The following PKHD1L1 variants were observed in gnomAD, a reference collection of about 807,000 sequenced individuals.
The protein encoded by PKHD1L1 is fibrocystin-L.
Under a neutral mutation model 462.9 loss-of-function variants are expected in PKHD1L1, and 434 were observed. The observed-to-expected ratio is 0.94, with a 90% CI of 0.87 to 1.02. PKHD1L1 has a LOEUF of 1.02. Among genes scored for constraint, PKHD1L1 ranks in the 50% least tolerant of loss-of-function variants. The probability of loss-of-function intolerance (pLI) is 0.00; values close to 1 mark genes in which losing one functional copy is unlikely to be tolerated. For synonymous variants in PKHD1L1, 1,781 were observed against 1,750.0 expected (o/e 1.02, Z -0.44); for missense variants, 5,202 against 5,096.1 (o/e 1.02, Z -0.63).
intron 43 of PKHD1L1, among the ~76,000 whole-genome samples, chr8:109,453,512 CTT>C (rs1400746144): frequency 6.6e-6 from 1 of 152,148 alleles, no homozygotes; most frequent in Non-Finnish European, 1.5e-5. Flanking sequence ...AGTGCACAAA[CTT>C]TGCCATAACA....
Position 109,486,760 on chromosome 8 carries a change from G to A in PKHD1L1, c.9819G>A (p.Glu3273=). The A allele has an allele frequency of 6.2e-7, 1 of 1,612,410 alleles. No individual in the cohort carries two copies. The change falls in exon 59 of 78, where the codon GAG becomes GAA. Residue 3273 remains glutamate, a synonymous_variant. Coordinates refer to ENST00000378402, the MANE Select transcript of PKHD1L1 (RefSeq NM_177531.6). ...GTGAAGATTACCCCGGTTGGTCTGA[G>A]GACTCTTTTGGAGCACGCGTACTGG... is the stretch of plus-strand genomic sequence containing the variant. ...IVGEDYPGWS[E]DSFGARVLVG... is the part of the protein sequence containing the mutation.
intron 27 of PKHD1L1, among the ~76,000 whole-genome samples, chr8:109,430,915 C>T (rs528008341): frequency 1.3e-5 from 2 of 151,620 alleles, no homozygotes; most frequent in East Asian, 3.9e-4. Flanking sequence ...AATTTGGTTA[C>T]AGTCCTTTGG....
At position 109,394,507 on chromosome 8, in the gene PKHD1L1, C is replaced by T. The variant is rs377273333; in HGVS notation, c.811+22C>T. The T allele has an allele frequency of 3.9e-5, 56 of 1,441,672 alleles. No individual in the cohort carries two copies. The Middle Eastern group carries it at 7.2e-4, about 19-fold the overall frequency. 89.3% of individuals were successfully genotyped at this position (1,441,672 alleles called of 1,614,324 possible). A position where few individuals can be genotyped will look rare whatever the true frequency, so the allele number is the denominator to read the frequency against. ...GCAGGTATGTGACTTTTCTTTCACT[C>T]TGTTGCGGGGGTGGTGGGAAGGCAG... On this transcript the variant is annotated intron_variant, in intron 10 of 77. Coordinates refer to ENST00000378402, the MANE Select transcript of PKHD1L1 (RefSeq NM_177531.6).
At chr8:109,473,553 A>G (rs1817834466) in intron 50 of PKHD1L1, among the ~76,000 whole-genome samples, 1 of 151,740 alleles carries the variant, frequency 6.6e-6, no homozygotes, top group African/African-American at 2.4e-5. Context: ...AAAGAAAAGA[A>G]CTCAATTCAG....
At chr8:109,455,166 T>C (rs959625806) in intron 45 of PKHD1L1, among the ~76,000 whole-genome samples, 6 of 152,126 alleles carry the variant, frequency 3.9e-5, no homozygotes, top group African/African-American at 1.4e-4. Context: ...GGCAAAACCC[T>C]GTCTCCACTA....
chr8:109,491,158 T>C lies in PKHD1L1; in HGVS notation c.10114+57T>C, dbSNP rs772451418. 7.2e-6 allele frequency: 11 copies of C among 1,525,294 alleles called. No homozygotes were observed. In the African/African-American group the frequency reaches 1.5e-4, roughly 21 times the overall value. The allele number at this position is 1,525,294 out of a possible 1,614,324, so 94.5% of individuals were successfully genotyped here. On this transcript the variant is annotated intron_variant, in intron 61 of 77. Coordinates refer to ENST00000378402, the MANE Select transcript of PKHD1L1 (RefSeq NM_177531.6). ...CATCCTGTGGAGGCTTTCTTATCTA[T>C]ATACTCTAGAGCTACACTGCCCAAT...
chr8:109,439,077 G>C lies in PKHD1L1; in HGVS notation c.3941G>C (p.Gly1314Ala), dbSNP rs61745556. The change falls in exon 32 of 78, where the codon GGT (glycine) becomes GCT (alanine). Residue 1314 changes from glycine to alanine, a missense_variant. Physicochemically the swap from Gly to Ala is moderately conservative, Grantham distance 60 (BLOSUM62 0). Around this residue, in one of 3 missense-constraint regions of PKHD1L1, gnomAD observed 4,497 missense variants for 4,336.8 expected, o/e 1.04. Coordinates refer to ENST00000378402, the MANE Select transcript of PKHD1L1 (RefSeq NM_177531.6). The part of the protein sequence containing the change: ...HDIYVEVRNW[G>A]FASTRDKLNS... ...ATCTATGTAGAAGTCAGAAACTGGG[G>C]TTTTGCATCAACAAGGTATGATAAT... is the stretch of plus-strand genomic sequence containing the variant. 11 of 1,612,726 alleles carry C rather than the reference G, an allele frequency of 6.8e-6. No individual in the cohort carries two copies. The African/African-American group carries it at 1.2e-4, about 18-fold the overall frequency.
At chr8:109,422,286 A>G (rs1814513466) in intron 23 of PKHD1L1, among the ~76,000 whole-genome samples, 1 of 151,556 alleles carries the variant, frequency 6.6e-6, no homozygotes, top group Non-Finnish European at 1.5e-5. Context: ...GATTCATCTG[A>G]CCACCACCAG....
rs1820587302 is a variant in PKHD1L1 at position 109,522,241 on chromosome 8, A to T, written c.12087A>T (p.Val4029=). 1.2e-6 allele frequency: 2 copies of T among 1,604,750 alleles called. 1 individual carries two copies. The highest frequency in any genetic ancestry group is 2.2e-5 in the South Asian group (2 of 90,748). Residue 4029 remains valine, a synonymous_variant, in exon 74 of 78, where the codon GTA becomes GTT. Transcript: ENST00000378402. The stretch of plus-strand genomic sequence containing the variant: ...TTGCTGGTTCTCTTGGACAAGCTGT[A>T]ATTTTAGGAAACATCAGTAGTATCC... The part of the protein sequence containing the change: ...QEIAGSLGQA[V]ILGNISSILG...
In PKHD1L1 at chr8:109,419,229, T is replaced by C. The variant is rs545361360; in HGVS notation, c.2493T>C (p.Ile831=). 4.5e-5 allele frequency: 73 copies of C among 1,610,080 alleles called. No individual in the cohort carries two copies. The highest frequency in any genetic ancestry group is 5.9e-5 in the Non-Finnish European group (70 of 1,177,606). Residue 831 remains isoleucine, a synonymous_variant, in exon 22 of 78, where the codon ATT becomes ATC. Coordinates refer to ENST00000378402, the MANE Select transcript of PKHD1L1 (RefSeq NM_177531.6). ...CCTTCTATGTGGATGTAGTGTACAT[T>C]GGACACACATCTACAATCTCAACAT... ...SQSFYVDVVY[I]GHTSTISTLD... is the part of the protein sequence containing the mutation.
Position 109,497,007 on chromosome 8 carries a change from A to G in PKHD1L1, c.10416A>G (p.Gly3472=). ...ATATGAACCAAGATGGCCTTCCTGG[A>G]TGTTCTCTTATACAAGGATTTACCA... is the stretch of plus-strand genomic sequence containing the variant. ...GIYMNQDGLP[G]CSLIQGFTIW... Residue 3472 remains glycine, a synonymous_variant, in exon 64 of 78, where the codon GGA becomes GGG. Transcript: ENST00000378402. The G allele has an allele frequency of 6.2e-7, 1 of 1,613,634 alleles. No individual in the cohort carries two copies. Among genetic ancestry groups the G allele is most frequent in the Admixed American group, 1.7e-5 (1 of 60,020 alleles).
At position 109,407,133 on chromosome 8, in the gene PKHD1L1, T is replaced by G. The variant is rs117456332; in HGVS notation, c.1813+655T>G. On this transcript the variant is annotated intron_variant, in intron 17 of 77. Coordinates refer to ENST00000378402, the MANE Select transcript of PKHD1L1 (RefSeq NM_177531.6). ...TTTTTGGTATATTTAGCTCAGAAAG[T>G]AGGTCCCTGAATGTGTGTGTGTTTA... 6.5e-3 allele frequency among the ~76,000 whole-genome samples: 986 copies of G among 152,278 alleles called. 7 individuals are homozygous for G. The highest frequency in any genetic ancestry group is 0.051 in the Middle Eastern group (15 of 294).
In PKHD1L1 at chr8:109,491,872, G is replaced by A. The variant is rs1335426720; in HGVS notation, c.10115-1G>A. On this transcript the variant is annotated splice_acceptor_variant, in intron 61 of 77. Transcript: ENST00000378402. LOFTEE classifies it high-confidence loss of function. Reference sequence around the variant, plus strand: ...CTTTCTTTTTTTCTTTTTTTAAACAGGCATAAGAATATGGGGGAATGCCAA... The same window carrying A: ...CTTTCTTTTTTTCTTTTTTTAAACAAGCATAAGAATATGGGGGAATGCCAA... The A allele has an allele frequency of 2.5e-6, 4 of 1,592,630 alleles. No homozygotes were observed. Among genetic ancestry groups the A allele is most frequent in the East Asian group, 2.2e-5 (1 of 44,656 alleles).
intron 23 of PKHD1L1, among the ~76,000 whole-genome samples, chr8:109,421,214 T>C: frequency 6.6e-6 from 1 of 151,956 alleles, no homozygotes; most frequent in South Asian, 2.1e-4. Context: ...ATAAAAATAT[T>C]CAATGAGTTA....
At chr8:109,487,282 G>A (rs76615423) in intron 59 of PKHD1L1, among the ~76,000 whole-genome samples, 4,630 of 151,968 alleles carry the variant, frequency 0.03, 224 homozygotes, top group African/African-American at 0.11. Flanking sequence ...GGATTGTATT[G>A]AAGTAATCAC....
chr8:109,516,149 A>G (rs1245884865), intron 72 of PKHD1L1, among the ~76,000 whole-genome samples: 2 of 152,258 alleles, frequency 1.3e-5, no homozygotes, highest in East Asian at 3.9e-4. Flanking sequence ...TTACTACATC[A>G]TAGTAACTCT....
intron 10 of PKHD1L1, 43 bp from the exon 11 acceptor site, chr8:109,395,984 G>A (rs1465091815): frequency 1.5e-6 from 2 of 1,357,854 alleles, no homozygotes; most frequent in East Asian, 5.0e-5. Context: ...TTGGGTTTAT[G>A]TGTAATATTT....
intron 43 of PKHD1L1, among the ~76,000 whole-genome samples, chr8:109,453,840 G>T (rs191777330): frequency 4.9e-4 from 75 of 152,178 alleles, no homozygotes; most frequent in Admixed American, 4.5e-3. Flanking sequence ...ATTTTGAGGT[G>T]CTGTGTTTGT....
intron 61 of PKHD1L1, among the ~76,000 whole-genome samples, chr8:109,491,440 A>G (rs1254128570): frequency 1.3e-5 from 2 of 151,910 alleles, no homozygotes; most frequent in African/African-American, 2.4e-5. Context: ...ACATTCTTAC[A>G]TGAGTTATCT....
Sources: gnomAD v4.1 joint callset for allele counts (sites outside exome capture counted in the v4.1 genomes callset) on GRCh38, gnomAD v4.1.1 for gene constraint, gnomAD v4.1.1 regional missense constraint, MANE v1.5 for transcripts, NCBI Gene and HGNC (gene_info 2026-07-23, HGNC 2026-07-21) for gene names.